CFAP52: variants seen among roughly 807,000 people sequenced by gnomAD.
The protein encoded by CFAP52 is cilia and flagella associated protein 52, also known as cilia- and flagella-associated protein 52.
A neutral mutation model predicts 70.5 loss-of-function variants in CFAP52; 57 were observed. The ratio of observed to expected loss-of-function variants is 0.81; its 90% CI spans 0.65 to 1.01. The LOEUF is 1.01. Among genes scored for constraint, CFAP52 ranks in the 50% least tolerant of loss-of-function variants. The pLI is 0.00. For synonymous variants in CFAP52, 267 were observed against 292.5 expected, an observed-to-expected ratio of 0.91 and a Z score of 0.89; for missense variants, 785 against 788.5, an observed-to-expected ratio of 1.00 and a Z score of 0.05.
At chr17:9,616,467 C>G (rs1396587175) in intron 8 of CFAP52, among the ~76,000 whole-genome samples, 7 of 136,842 alleles carry the variant, frequency 5.1e-5, no homozygotes, top group Non-Finnish European at 9.3e-5. Context: ...AACAAAGCAG[C>G]CGGGAAGCTC....
intron 6 of CFAP52, among the ~76,000 whole-genome samples, chr17:9,603,182 ACCTGTGGATGCTGAAATT>A (rs1404646736): frequency 6.6e-6 from 1 of 152,048 alleles, no homozygotes; most frequent in East Asian, 1.9e-4. Flanking sequence ...CACTTAAGTC[ACCTGTGGATGCTGAAATT>A]CTTTTTTATT....
Position 9,595,816 on chromosome 17 carries a change from C to T in CFAP52, c.536+1495C>T, listed in dbSNP as rs1303105073. On this transcript the variant is annotated intron_variant, in intron 4 of 13. Coordinates refer to ENST00000352665, the MANE Select transcript of CFAP52 (RefSeq NM_145054.5). ...AGTGCCATGTATTCCACTATATTGT[C>T]CCCATGAGATGTCCTGCAAGTTTAA... 2.6e-5 allele frequency among the ~76,000 whole-genome samples: 4 copies of T among 151,054 alleles called. No homozygotes were observed. The South Asian group carries it at 8.4e-4, about 32-fold the overall frequency.
chr17:9,598,074 G>A (rs1365317771), intron 4 of CFAP52, among the ~76,000 whole-genome samples, 160 bp from the exon 5 acceptor site: 2 of 151,974 alleles, frequency 1.3e-5, no homozygotes, highest in Non-Finnish European at 2.9e-5. Flanking sequence ...CCTGCCTCGT[G>A]GTGGTGTTAT....
intron 7 of CFAP52, among the ~76,000 whole-genome samples, chr17:9,610,659 C>T (rs985561405): frequency 1.2e-4 from 19 of 152,074 alleles, no homozygotes; most frequent in African/African-American, 3.9e-4. Flanking sequence ...CTCAGGCTCC[C>T]GAGTAACTGG....
At chr17:9,596,057 GTGTATATATATATATA>G (rs1433142728) in intron 4 of CFAP52, among the ~76,000 whole-genome samples, 78 of 103,582 alleles carry the variant, frequency 7.5e-4, no homozygotes, top group African/African-American at 2.6e-3. Flanking sequence ...ATATATGTGT[GTGTATATATATATATA>G]TATATATATA....
In CFAP52 at chr17:9,638,646, T is replaced by A. The variant is rs1293266882; in HGVS notation, c.1510T>A (p.Leu504Ile). The A allele has an allele frequency of 1.2e-6, 2 of 1,614,064 alleles. No individual in the cohort carries two copies. Residue 504 changes from leucine (L) to isoleucine (I), a missense_variant, in exon 12 of 14, where the codon TTA (leucine) becomes ATA (isoleucine). By Grantham distance (5) the Leu-to-Ile change is conservative (BLOSUM62 2). Transcript: ENST00000352665. ...GAATCAGATGATACTAGCCAACACC[T>A]TATTCCAGTGTGTGTGCTATCACCC... ...RRNQMILANT[L>I]FQCVCYHPEE...
intron 12 of CFAP52, among the ~76,000 whole-genome samples, chr17:9,640,554 G>A (rs1158097498): frequency 6.6e-6 from 1 of 152,044 alleles, no homozygotes; most frequent in Non-Finnish European, 1.5e-5. Context: ...CTCCATCCAT[G>A]TCCCGGCAAA....
At position 9,603,295 on chromosome 17, in the gene CFAP52, G is replaced by A. The variant is rs145147887; in HGVS notation, c.753+3112G>A. Among the ~76,000 whole-genome samples the A allele has an allele frequency of 6.1e-3, 924 of 152,212 alleles. 13 individuals are homozygous for A. The highest frequency in any genetic ancestry group is 0.021 in the African/African-American group (876 of 41,532). The stretch of plus-strand genomic sequence containing the variant: ...ACTATCTCGGCTCACTGCAAGCTCT[G>A]CCTCCAGAGTTTACGCCATTCTCCT... On this transcript the variant is annotated intron_variant, in intron 6 of 13. Coordinates refer to ENST00000352665, the MANE Select transcript of CFAP52 (RefSeq NM_145054.5).
rs112138345 is a variant in CFAP52 at position 9,600,563 on chromosome 17, T to G, written c.753+380T>G. 8.5e-3 allele frequency among the ~76,000 whole-genome samples: 1,290 copies of G among 151,978 alleles called. 12 individuals are homozygous for G. The highest frequency in any genetic ancestry group is 0.02 in the African/African-American group (822 of 41,474). ...CGGACAAAGCACACACTTTGTTTGT[T>G]TGTTTGTTTGTTTGTTTTTGAGAAA... On this transcript the variant is annotated intron_variant, in intron 6 of 13. Coordinates refer to ENST00000352665, the MANE Select transcript of CFAP52 (RefSeq NM_145054.5).
intron 8 of CFAP52, among the ~76,000 whole-genome samples, chr17:9,624,104 A>G (rs1438597158): frequency 6.6e-6 from 1 of 151,848 alleles, no homozygotes; most frequent in Non-Finnish European, 1.5e-5. Flanking sequence ...TTATATTTCA[A>G]TATTTTTTCT....
chr17:9,633,082 G>A, intron 10 of CFAP52, 49 bp downstream of exon 10: 3 of 1,573,812 alleles, frequency 1.9e-6, no homozygotes, highest in Non-Finnish European at 1.7e-6. Context: ...TAGAACAACT[G>A]CCCTATAGGA....
chr17:9,598,404 G>T (rs959603154), intron 5 of CFAP52, 71 bp downstream of exon 5: 3 of 1,270,200 alleles, frequency 2.4e-6, no homozygotes, highest in Non-Finnish European at 3.4e-6. Context: ...CAAGGTGTTT[G>T]TGTGTGTGTA....
rs1452851713 is a variant in CFAP52 at position 9,586,112 on chromosome 17, C to T, written c.270+140C>T. The T allele has an allele frequency of 5.6e-6, 5 of 885,792 alleles. No individual in the cohort carries two copies. In the East Asian group the frequency reaches 1.3e-4, roughly 23 times the overall value. The allele number at this position is 885,792 out of a possible 1,614,324, so 54.9% of individuals were successfully genotyped here. On this transcript the variant is annotated intron_variant, in intron 2 of 13. Coordinates refer to ENST00000352665, the MANE Select transcript of CFAP52 (RefSeq NM_145054.5). The stretch of plus-strand genomic sequence containing the variant: ...CTTCTTTTTGACTTCTCTTTTAACC[C>T]ATTTTCATTCCGTCAGACCGGGAGT...
intron 11 of CFAP52, among the ~76,000 whole-genome samples, chr17:9,638,055 G>A (rs774736100): frequency 5.3e-5 from 8 of 152,196 alleles, no homozygotes; most frequent in African/African-American, 9.6e-5. Flanking sequence ...TGACAGGCTC[G>A]TGCTTTCCGA....
Position 9,638,598 on chromosome 17 carries a change from C to T in CFAP52, c.1473-11C>T, listed in dbSNP as rs369620992. ...AAGTCGACTTTCACAGCTTTTGAAT[C>T]TACTTTCCAGGCGTCTCAGGAGGAA... On this transcript the variant is annotated splice_polypyrimidine_tract_variant and intron_variant, in intron 11 of 13. Coordinates refer to ENST00000352665, the MANE Select transcript of CFAP52 (RefSeq NM_145054.5). 130 of 1,612,458 alleles carry T rather than the reference C, an allele frequency of 8.1e-5. No homozygotes were observed. Among genetic ancestry groups the T allele is most frequent in the Middle Eastern group, 4.9e-4 (3 of 6,080 alleles).
intron 4 of CFAP52, 120 bp downstream of exon 4, chr17:9,594,441 A>G: frequency 1.6e-6 from 2 of 1,290,240 alleles, no homozygotes; most frequent in Non-Finnish European, 2.1e-6. Context: ...ACCTTACATC[A>G]TAGTTTTTGT....
At chr17:9,587,777 A>G (rs1908561997) in intron 3 of CFAP52, among the ~76,000 whole-genome samples, 1 of 152,166 alleles carries the variant, frequency 6.6e-6, no homozygotes, top group African/African-American at 2.4e-5. Context: ...TCAGATGCCA[A>G]GTTTGCAATA....
chr17:9,608,700 G>C (rs976076827), intron 7 of CFAP52, among the ~76,000 whole-genome samples: 4 of 152,136 alleles, frequency 2.6e-5, no homozygotes, highest in Admixed American at 1.3e-4. Flanking sequence ...CAGATACTCT[G>C]CTATGTATGT....
intron 8 of CFAP52, among the ~76,000 whole-genome samples, chr17:9,624,080 T>C (rs1910148228): frequency 1.3e-5 from 2 of 152,212 alleles, no homozygotes; most frequent in African/African-American, 4.8e-5. Flanking sequence ...CTTTATAATA[T>C]GTCATTTTTC....
Sources: allele counts gnomAD v4.1 joint callset (sites outside exome capture counted in the v4.1 genomes callset), GRCh38; gene constraint gnomAD v4.1.1; transcripts MANE v1.5; gene names NCBI Gene and HGNC (gene_info 2026-07-23, HGNC 2026-07-21).